ACSL6: variants seen among roughly 807,000 people sequenced by gnomAD.
The protein encoded by ACSL6 is acyl-CoA synthetase long chain family member 6.
In ACSL6, 47 loss-of-function variants were observed where a neutral mutation model predicts 98.2. The ratio of observed to expected loss-of-function variants is 0.48; its 90% CI spans 0.38 to 0.61. The LOEUF (loss-of-function observed/expected upper bound fraction) is 0.61. Among genes scored for constraint, ACSL6 ranks in the 20% least tolerant of loss-of-function variants. The probability of loss-of-function intolerance (pLI) is 0.00; values close to 1 mark genes in which losing one functional copy is unlikely to be tolerated. For synonymous variants in ACSL6, 362 were observed against 336.9 expected (o/e 1.07, Z -0.82); for missense variants, 761 against 913.4 (o/e 0.83, Z 2.15).
At chr5:131,954,455 T>C in intron 20 of ACSL6, 84 bp from the exon 21 acceptor site, 2 of 1,339,642 alleles carry the variant, frequency 1.5e-6, no homozygotes, top group South Asian at 3.1e-5. Context: ...AACAGGCACA[T>C]GAGAGTAGAT....
intron 14 of ACSL6, 92 bp from the exon 15 acceptor site, chr5:131,970,292 G>C: frequency 1.8e-6 from 2 of 1,132,354 alleles, no homozygotes; most frequent in Non-Finnish European, 2.7e-6. Context: ...CCCACTGAGC[G>C]TGTCTGACTG....
At chr5:131,995,060 G>T (rs923237498) in intron 1 of ACSL6, among the ~76,000 whole-genome samples, 3 of 152,154 alleles carry the variant, frequency 2.0e-5, no homozygotes, top group Non-Finnish European at 2.9e-5. Flanking sequence ...TGCTGTGTGC[G>T]CTCCCCGGGG....
At chr5:131,980,872 C>G (rs1753851858) in intron 9 of ACSL6, among the ~76,000 whole-genome samples, 1 of 152,152 alleles carries the variant, frequency 6.6e-6, no homozygotes, top group Admixed American at 6.5e-5. Flanking sequence ...AATCCAGTTG[C>G]CAACCTTCCT....
intron 1 of ACSL6, chr5:131,999,591 C>T (rs543384208): frequency 6.6e-6 from 1 of 152,266 alleles, no homozygotes; most frequent in Non-Finnish European, 1.5e-5. Flanking sequence ...TGGCAACAGC[C>T]GCCTGCTCTG....
At chr5:131,999,841 C>A (rs980694616) in intron 1 of ACSL6, among the ~76,000 whole-genome samples, 1 of 152,148 alleles carries the variant, frequency 6.6e-6, no homozygotes, top group African/African-American at 2.4e-5. Flanking sequence ...TCAGCTTACA[C>A]CCCCCTGCTT....
chr5:131,966,379 C>T (rs374074532), intron 17 of ACSL6, 37 bp downstream of exon 17: 20 of 1,605,378 alleles, frequency 1.2e-5, no homozygotes, highest in Non-Finnish European at 1.4e-5. Flanking sequence ...CTCCCACTGC[C>T]AAATGTTTGG....
In ACSL6 at chr5:131,972,976, C is replaced by T. The variant is rs888947078; in HGVS notation, c.1204-118G>A. On this transcript the variant is annotated intron_variant, in intron 12 of 20. Coordinates refer to ENST00000651883, the MANE Select transcript of ACSL6 (RefSeq NM_001009185.3). ...GAAGCCATGTTCCATTTTGCCCCTG[C>T]AGGAGGTCACTGAATGTGTGACATT... The T allele has an allele frequency of 4.2e-6, 6 of 1,412,714 alleles. No individual in the cohort carries two copies. In the African/African-American group the frequency reaches 8.6e-5, roughly 20 times the overall value. 87.5% of individuals were successfully genotyped at this position (1,412,714 alleles called of 1,614,324 possible). A position where few individuals can be genotyped will look rare whatever the true frequency, so the allele number is the denominator to read the frequency against.
Position 132,011,564 on chromosome 5 carries a change from G to GGGGCC in ACSL6, c.-16_-12dup. The stretch of plus-strand genomic sequence containing the variant: ...GAAGAAGGTCAGCATGGCGGTCAGC[G>GGGGCC]GGGCCCGGCCCGGCCCGGCCCGGCC... On this transcript the variant is annotated 5_prime_UTR_variant, in exon 1 of 21. Transcript: ENST00000651883. The surrounding 1 kb of genome is among the most constrained non-coding windows in gnomAD (Gnocchi z 5.4). 6.3e-7 allele frequency: 1 copy of GGGGCC among 1,575,762 alleles called. No individual in the cohort carries two copies. The highest frequency in any genetic ancestry group is 8.6e-7 in the Non-Finnish European group (1 of 1,162,742).
chr5:131,973,013 T>TA (rs2149721198), intron 12 of ACSL6, among the ~76,000 whole-genome samples, 155 bp from the exon 13 acceptor site: 1 of 152,260 alleles, frequency 6.6e-6, no homozygotes, highest in East Asian at 1.9e-4. Context: ...AGCTGAAGGT[T>TA]AACACTGCCA....
chr5:131,984,756 C>T (rs1404572946), intron 9 of ACSL6: 2 of 156,198 alleles, frequency 1.3e-5, no homozygotes, highest in African/African-American at 4.8e-5. Flanking sequence ...TGTGTGTGCT[C>T]CTCTGTCAGC....
chr5:131,993,967 A>G lies in ACSL6; in HGVS notation c.270+64T>C, dbSNP rs145193034. On this transcript the variant is annotated intron_variant, in intron 2 of 20. Coordinates refer to ENST00000651883, the MANE Select transcript of ACSL6 (RefSeq NM_001009185.3). ...CAAATAAGCCACAAGTCTGGCTTCT[A>G]CTTCCAAGATGCCTGTCCTCTGCCC... The G allele has an allele frequency of 9.3e-5, 143 of 1,540,830 alleles. No homozygotes were observed. The African/African-American group carries it at 1.9e-3, about 20-fold the overall frequency.
intron 9 of ACSL6, 61 bp downstream of exon 9, chr5:131,985,346 G>A: frequency 6.2e-7 from 1 of 1,603,194 alleles, no homozygotes; most frequent in Admixed American, 1.7e-5. Flanking sequence ...GCAGTCACCT[G>A]CTAGGCCACC....
chr5:131,985,148 G>T (rs535506822), intron 9 of ACSL6: 29 of 521,004 alleles, frequency 5.6e-5, no homozygotes, highest in Admixed American at 2.8e-4. Context: ...TGATCCAGCT[G>T]CCCATGACTC....
At chr5:131,985,293 A>T in intron 9 of ACSL6, 114 bp downstream of exon 9, 2 of 1,364,250 alleles carry the variant, frequency 1.5e-6, no homozygotes, top group Non-Finnish European at 2.0e-6. Flanking sequence ...GCCAGGAACA[A>T]GACAAGGCTC....
At chr5:131,956,584 T>C (rs1224277816) in intron 20 of ACSL6, among the ~76,000 whole-genome samples, 3 of 152,108 alleles carry the variant, frequency 2.0e-5, no homozygotes, top group African/African-American at 7.2e-5. Context: ...TCTATGAAAA[T>C]ACCTATACAA....
At chr5:131,993,815 A>G (rs1754650776) in intron 2 of ACSL6, 4 of 572,188 alleles carry the variant, frequency 7.0e-6, no homozygotes, top group Non-Finnish European at 1.2e-5. Context: ...GGCCCAGGTC[A>G]GGCTCTACCC....
rs186348404 is a variant in ACSL6 at position 131,990,154 on chromosome 5, G to C, written c.396C>G (p.Pro132=). ...RRGLSISGNG[P]CLGFRKPKQP... ...GCTTAGGCTTCCTGAAACCAAGACA[G>C]GGCCCATTCCCTGTAGAGAGATAAG... Residue 132 remains proline, a synonymous_variant, in exon 4 of 21, where the codon CCC becomes CCG. Transcript: ENST00000651883. The C allele has an allele frequency of 1.7e-5, 27 of 1,614,034 alleles. No homozygotes were observed. The African/African-American group carries it at 2.8e-4, about 17-fold the overall frequency.
At chr5:131,985,562 T>C (rs1754135042) in intron 8 of ACSL6, 104 bp from the exon 9 acceptor site, 5 of 1,238,804 alleles carry the variant, frequency 4.0e-6, no homozygotes, top group Non-Finnish European at 5.8e-6. Flanking sequence ...GTATGCTGTA[T>C]GTGGGTGTGA....
intron 17 of ACSL6, 95 bp downstream of exon 17, chr5:131,966,321 G>T: frequency 1.7e-6 from 2 of 1,206,108 alleles, no homozygotes; most frequent in Non-Finnish European, 2.4e-6. Context: ...CTCATTGTCA[G>T]GGGGGATTTG....
Sources: gnomAD v4.1 joint callset for allele counts (sites outside exome capture counted in the v4.1 genomes callset) on GRCh38, gnomAD v4.1.1 for gene constraint, Gnocchi (gnomAD v3.1) non-coding constraint, MANE v1.5 for transcripts, NCBI Gene and HGNC (gene_info 2026-07-23, HGNC 2026-07-21) for gene names.